The following TENM2 variants were observed in gnomAD, a reference collection of about 807,000 sequenced individuals.
TENM2 encodes the protein teneurin-2.
A neutral mutation model predicts 245.2 loss-of-function variants in TENM2; 52 were observed. That is an observed-to-expected ratio of 0.21 (90% CI 0.17 to 0.27). TENM2 has a LOEUF of 0.27. Among genes scored for constraint, TENM2 ranks in the 10% least tolerant of loss-of-function variants. The pLI, the probability that TENM2 is intolerant of heterozygous loss-of-function variation, is 1.00. For synonymous variants in TENM2, 1,363 were observed against 1,438.9 expected, an observed-to-expected ratio of 0.95 and a Z score of 1.19; for missense variants, 3,046 against 3,666.8, an observed-to-expected ratio of 0.83 and a Z score of 4.37.
chr5:167,223,663 G>A, the TENM2 span, among the ~76,000 whole-genome samples: 41 of 152,086 alleles, frequency 2.7e-4, no homozygotes, highest in African/African-American at 7.7e-4. Context: ...ACATGCTGGC[G>A]TCCTTTTGAT....
chr5:167,859,987 G>A (rs1771577611), intron 2 of TENM2, among the ~76,000 whole-genome samples: 1 of 67,148 alleles, frequency 1.5e-5, no homozygotes, highest in Non-Finnish European at 3.1e-5. Context: ...CCGGCCAGCC[G>A]CCCCGTCCGG....
At chr5:167,229,948 G>A in the TENM2 span, among the ~76,000 whole-genome samples, 1 of 152,206 alleles carries the variant, frequency 6.6e-6, no homozygotes, top group Admixed American at 6.5e-5. Context: ...GCATTCCACA[G>A]CTGTAGCAGT....
At chr5:167,705,563 G>A (rs562894272) in intron 2 of TENM2, among the ~76,000 whole-genome samples, 1 of 152,188 alleles carries the variant, frequency 6.6e-6, no homozygotes, top group South Asian at 2.1e-4. Flanking sequence ...GTAAAGCTTT[G>A]TTATTTATTG....
chr5:167,698,107 CTGATCT>C (rs1233488075), intron 2 of TENM2, among the ~76,000 whole-genome samples: 1 of 152,180 alleles, frequency 6.6e-6, no homozygotes, highest in African/African-American at 2.4e-5. Flanking sequence ...ATTGTATGCA[CTGATCT>C]TGTGTTCAGA....
chr5:167,080,745 G>A, the TENM2 span, among the ~76,000 whole-genome samples: 4,705 of 152,190 alleles, frequency 0.031, 97 homozygotes, highest in South Asian at 0.09. Context: ...TCGAAGTGCT[G>A]TATATTCCTG....
At chr5:167,329,459 G>A (rs1757299647) in intron 1 of TENM2, among the ~76,000 whole-genome samples, 1 of 146,068 alleles carries the variant, frequency 6.8e-6, no homozygotes, top group Non-Finnish European at 1.5e-5. Context: ...GGCTGAGGCA[G>A]GAGAATGGTA....
chr5:167,244,332 A>G, the TENM2 span, among the ~76,000 whole-genome samples: 1 of 152,202 alleles, frequency 6.6e-6, no homozygotes, highest in Non-Finnish European at 1.5e-5. Flanking sequence ...TGTAATTTAC[A>G]TACCACTTCA....
chr5:167,299,774 C>T (rs1203702380), intron 1 of TENM2, among the ~76,000 whole-genome samples: 1 of 151,930 alleles, frequency 6.6e-6, no homozygotes, highest in Non-Finnish European at 1.5e-5. Context: ...TCATGAGGGT[C>T]AGGTGTGGTA....
At chr5:168,037,626 G>A (rs1370442455) in intron 5 of TENM2, among the ~76,000 whole-genome samples, 2 of 150,808 alleles carry the variant, frequency 1.3e-5, no homozygotes, top group African/African-American at 4.9e-5. Flanking sequence ...TATTAAGCGG[G>A]TAAGAGGAGG....
At chr5:167,483,298 C>T (rs1767869310) in intron 2 of TENM2, among the ~76,000 whole-genome samples, 2 of 152,274 alleles carry the variant, frequency 1.3e-5, no homozygotes, top group South Asian at 2.1e-4. Context: ...CCTTCGAAAA[C>T]TTCCCTCACC....
At chr5:167,425,680 A>G (rs934310007) in intron 2 of TENM2, among the ~76,000 whole-genome samples, 1 of 152,206 alleles carries the variant, frequency 6.6e-6, no homozygotes, top group Non-Finnish European at 1.5e-5. Flanking sequence ...TAATAACTGT[A>G]TGAACATGGG....
At chr5:167,790,993 C>G (rs568352536) in intron 2 of TENM2, among the ~76,000 whole-genome samples, 254 of 152,268 alleles carry the variant, frequency 1.7e-3, no homozygotes, top group African/African-American at 5.9e-3. Flanking sequence ...CCCCAACCCC[C>G]AGAATATGAT....
At chr5:167,705,922 T>A (rs1309162684) in intron 2 of TENM2, among the ~76,000 whole-genome samples, 2 of 149,514 alleles carry the variant, frequency 1.3e-5, no homozygotes, top group Non-Finnish European at 3.0e-5. Flanking sequence ...GGTTTATCCA[T>A]GCTGTTGCAA....
At chr5:167,962,897 C>A (rs1781120215) in intron 4 of TENM2, among the ~76,000 whole-genome samples, 1 of 152,096 alleles carries the variant, frequency 6.6e-6, no homozygotes, top group African/African-American at 2.4e-5. Context: ...GGGACACAAC[C>A]AAACCGCATT....
At chr5:168,025,472 T>C (rs1280223604) in intron 5 of TENM2, among the ~76,000 whole-genome samples, 2 of 152,208 alleles carry the variant, frequency 1.3e-5, no homozygotes, top group African/African-American at 4.8e-5. Flanking sequence ...CTGTTGACAA[T>C]AGACATTAAT....
At chr5:168,262,678 G>A (rs1431701637) in exon 29 of TENM2, 3 of 1,609,582 alleles carry the variant, frequency 1.9e-6, no homozygotes, top group Non-Finnish European at 2.5e-6. Flanking sequence ...GCGAGAAGCA[G>A]CAGCTTCTGA....
the TENM2 span, among the ~76,000 whole-genome samples, chr5:167,031,564 A>T: frequency 9.2e-5 from 14 of 152,012 alleles, no homozygotes; most frequent in Admixed American, 9.2e-4. Flanking sequence ...ATTCTGTTGC[A>T]TATTTGAGGT....
the TENM2 span, among the ~76,000 whole-genome samples, chr5:166,989,693 A>G: frequency 6.6e-6 from 1 of 151,368 alleles, no homozygotes; most frequent in African/African-American, 2.4e-5. Flanking sequence ...CACCTGGCCT[A>G]CCCCGCAAAA....
chr5:167,599,004 A>G (rs1331651311), intron 2 of TENM2, among the ~76,000 whole-genome samples: 1 of 152,064 alleles, frequency 6.6e-6, no homozygotes, highest in Admixed American at 6.5e-5. Context: ...GACAGTTGAA[A>G]TTTTTTTAGG....
Sources: gnomAD v4.1 joint callset for allele counts (sites outside exome capture counted in the v4.1 genomes callset) on GRCh38, gnomAD v4.1.1 for gene constraint, MANE v1.5 for transcripts, NCBI Gene and HGNC (gene_info 2026-07-23, HGNC 2026-07-21) for gene names.